The following PDCD1 variants were observed in gnomAD, a reference collection of about 807,000 sequenced individuals.
The protein encoded by PDCD1 is programmed cell death 1, also known as programmed cell death protein 1.
Under a neutral mutation model 23.6 loss-of-function variants are expected in PDCD1, and 10 were observed. That is an observed-to-expected ratio of 0.42 (90% confidence interval 0.26 to 0.72). PDCD1 has a LOEUF of 0.72. PDCD1 is among the 30% of genes least tolerant of loss of function. PDCD1 has a pLI of 0.24. For missense variants in PDCD1, 313 were observed against 397.8 expected, an observed-to-expected ratio of 0.79 and a Z score of 1.81; for synonymous variants, 168 against 169.3, an observed-to-expected ratio of 0.99 and a Z score of 0.06.
chr2:241,855,309 T>G (rs946396568), intron 1 of PDCD1, among the ~76,000 whole-genome samples: 8 of 152,088 alleles, frequency 5.3e-5, no homozygotes, highest in Admixed American at 6.5e-5. Flanking sequence ...GTGGGGGTGC[T>G]GGGTGGCGAC....
chr2:241,853,024 A>G (rs771728650), intron 1 of PDCD1, 44 bp from the exon 2 acceptor site: 2 of 1,522,246 alleles, frequency 1.3e-6, no homozygotes, highest in South Asian at 1.2e-5. Flanking sequence ...GTGGCCCCAC[A>G]AAGCCTCCCC....
chr2:241,854,998 G>A (rs1700990621), intron 1 of PDCD1, among the ~76,000 whole-genome samples: 2 of 152,226 alleles, frequency 1.3e-5, no homozygotes, highest in African/African-American at 4.8e-5. Context: ...ACACATTGGT[G>A]GAGGGACCTG....
chr2:241,851,121 A>G lies in PDCD1; in HGVS notation c.804T>C (p.Ala268=), dbSNP rs2227981. The G allele has an allele frequency of 0.6, 968,333 of 1,612,824 alleles. 293,152 individuals carry two copies. Among genetic ancestry groups the G allele is most frequent in the South Asian group, 0.74 (67,838 of 91,064 alleles). The change falls in exon 5 of 5, where the codon GCT becomes GCC. Residue 268 remains alanine, a synonymous_variant. Transcript: ENST00000334409. ...GTSSPARRGS[A]DGPRSAQPLR... ...GTGGCTGGGCACTCCGAGGGCCGTC[A>G]GCTGAGCCCCTGCGGGCGGGGGATG...
chr2:241,851,706 G>A (rs962124885), intron 4 of PDCD1, among the ~76,000 whole-genome samples: 13 of 150,094 alleles, frequency 8.7e-5, no homozygotes, highest in Non-Finnish European at 1.3e-4. Flanking sequence ...CGTGGGCCAG[G>A]CACCCCTGGA....
chr2:241,856,243 C>T (rs1367269896), intron 1 of PDCD1, among the ~76,000 whole-genome samples: 2 of 151,886 alleles, frequency 1.3e-5, no homozygotes, highest in Admixed American at 1.3e-4. Flanking sequence ...AAGCCACAGC[C>T]GGGAGAGGCT....
In PDCD1 at chr2:241,851,067, C is replaced by T. The variant is rs1700887889; in HGVS notation, c.858G>A (p.Trp286Ter). 6.2e-7 allele frequency: 1 copy of T among 1,611,158 alleles called. No homozygotes were observed. Among genetic ancestry groups the T allele is most frequent in the Admixed American group, 1.7e-5 (1 of 59,888 alleles). The stretch of plus-strand genomic sequence containing the variant: ...TGGCCAAGGAAGCCGGTCAGAGGGG[C>T]CAAGAGCAGTGTCCATCCTCAGGCC... ...PLRPEDGHCSWPL is the reference protein window; with the variant it reads ...PLRPEDGHCS The change falls in exon 5 of 5, where the codon TGG (tryptophan) becomes TGA (stop). Residue 286 changes from tryptophan (W) to a stop codon, truncating the protein, a stop_gained. Transcript: ENST00000334409. LOFTEE classifies it high-confidence loss of function.
Position 241,852,740 on chromosome 2 carries a change from A to T in PDCD1, c.317T>A (p.Phe106Tyr), listed in dbSNP as rs1301571896. 12 of 1,613,962 alleles carry T rather than the reference A, an allele frequency of 7.4e-6. No homozygotes were observed. Among genetic ancestry groups the T allele is most frequent in the Non-Finnish European group, 1.0e-5 (12 of 1,179,996 alleles). ...RVTQLPNGRDFHMSVVRARRN... is the reference protein window; with the variant it reads ...RVTQLPNGRDYHMSVVRARRN... ...CCGGGCCCTGACCACGCTCATGTGG[A>T]AGTCACGCCCGTTGGGCAGTTGTGT... The change falls in exon 2 of 5, where the codon TTC (phenylalanine) becomes TAC (tyrosine). Residue 106 changes from phenylalanine (F) to tyrosine (Y), a missense_variant. Phe to Tyr is a conservative substitution (Grantham distance 22, BLOSUM62 3). Coordinates refer to ENST00000334409, the MANE Select transcript of PDCD1 (RefSeq NM_005018.3).
intron 1 of PDCD1, among the ~76,000 whole-genome samples, chr2:241,854,484 G>A (rs990240898): frequency 6.6e-6 from 1 of 152,180 alleles, no homozygotes; most frequent in Non-Finnish European, 1.5e-5. Flanking sequence ...AGGGCTGTGG[G>A]GTAGTGTGAC....
At position 241,858,359 on chromosome 2, in the gene PDCD1, G is replaced by A. The variant is rs1007922741; in HGVS notation, c.76+404C>T. Among the ~76,000 whole-genome samples, 7 of 152,342 alleles carry A rather than the reference G, an allele frequency of 4.6e-5. No individual in the cohort carries two copies. The East Asian group carries it at 9.6e-4, about 21-fold the overall frequency. On this transcript the variant is annotated intron_variant, in intron 1 of 4. Transcript: ENST00000334409. ...CAGAGCCGCCACGCAGACTCCCCAC[G>A]GCCAAGGTTTGGGGTTCTGGCCAGC...
rs775100301 is a variant in PDCD1, at chr2:241,851,069, A to C, written c.856T>G (p.Trp286Gly). The C allele has an allele frequency of 1.9e-6, 3 of 1,611,690 alleles. No homozygotes were observed. The highest frequency in any genetic ancestry group is 2.5e-6 in the Non-Finnish European group (3 of 1,179,042). ...GCCAAGGAAGCCGGTCAGAGGGGCC[A>C]AGAGCAGTGTCCATCCTCAGGCCTC... Reference protein sequence around the residue: ...PLRPEDGHCSWPL With the variant: ...PLRPEDGHCSGPL Residue 286 changes from tryptophan to glycine, a missense_variant, in exon 5 of 5, where the codon TGG becomes GGG. By Grantham distance (184) the Trp-to-Gly change is radical (BLOSUM62 -2). Transcript: ENST00000334409.
At position 241,850,673 on chromosome 2, in the gene PDCD1, AG is replaced by A; in HGVS notation, c.*384del. ...CAACCAGCCCCCAAGTTCAGGCAGG[AG>A]GCTCCGGGGCGTCAGGCAGGGCCAC... On this transcript the variant is annotated 3_prime_UTR_variant, in exon 5 of 5. Coordinates refer to ENST00000334409, the MANE Select transcript of PDCD1 (RefSeq NM_005018.3). 2.0e-6 allele frequency: 1 copy of A among 498,078 alleles called. No individual in the cohort carries two copies. The highest frequency in any genetic ancestry group is 3.7e-6 in the Non-Finnish European group (1 of 268,922). 30.9% of individuals were successfully genotyped at this position (498,078 alleles called of 1,614,324 possible). A position where few individuals can be genotyped will look rare whatever the true frequency, so the allele number is the denominator to read the frequency against.
intron 1 of PDCD1, 43 bp from the exon 2 acceptor site, chr2:241,853,023 C>T: frequency 6.6e-7 from 1 of 1,522,008 alleles, no homozygotes. Flanking sequence ...GGTGGCCCCA[C>T]AAAGCCTCCC....
chr2:241,853,248 C>G (rs569582295), intron 1 of PDCD1, among the ~76,000 whole-genome samples: 82 of 149,006 alleles, frequency 5.5e-4, no homozygotes, highest in African/African-American at 1.9e-3. Flanking sequence ...GCCTTCACCC[C>G]CTTCCCCGTT....
chr2:241,854,934 G>A (rs1700989863), intron 1 of PDCD1, among the ~76,000 whole-genome samples: 2 of 152,210 alleles, frequency 1.3e-5, no homozygotes, highest in South Asian at 4.1e-4. Flanking sequence ...CAATGTCCCT[G>A]GGACCATCTG....
At chr2:241,858,668 G>A in intron 1 of PDCD1, 95 bp downstream of exon 1, 1 of 1,087,610 alleles carries the variant, frequency 9.2e-7, no homozygotes. Flanking sequence ...CCAGGGCCAG[G>A]CCCGCCTCAG....
rs563026333 is a variant in PDCD1, at chr2:241,853,776, G to A, written c.77-796C>T. 6.6e-5 allele frequency among the ~76,000 whole-genome samples: 10 copies of A among 152,384 alleles called. No individual in the cohort carries two copies. In the East Asian group the frequency reaches 1.5e-3, roughly 24 times the overall value. On this transcript the variant is annotated intron_variant, in intron 1 of 4. Transcript: ENST00000334409. The stretch of plus-strand genomic sequence containing the variant: ...ACACAGGCGCTTAAGATCCAGGCCC[G>A]AGATGCCATGCAACGGGGTGATTTT...
intron 4 of PDCD1, 125 bp from the exon 5 acceptor site, chr2:241,851,422 G>C: frequency 1.1e-6 from 1 of 902,594 alleles, no homozygotes; most frequent in Non-Finnish European, 1.7e-6. Context: ...TGCTTACCCT[G>C]AGCTGTCCCA....
rs376410854 is a variant in PDCD1 at position 241,852,996 on chromosome 2, A to G, written c.77-16T>C. On this transcript the variant is annotated splice_polypyrimidine_tract_variant and intron_variant, in intron 1 of 4. Coordinates refer to ENST00000334409, the MANE Select transcript of PDCD1 (RefSeq NM_005018.3). The stretch of plus-strand genomic sequence containing the variant: ...TCTGGGGAGTCTGAGAGATGGAGAG[A>G]GGTGAGGAAGGGGCTGGGTGGCCCC... The G allele has an allele frequency of 1.4e-5, 21 of 1,539,526 alleles. No individual in the cohort carries two copies. Among genetic ancestry groups the G allele is most frequent in the Non-Finnish European group, 1.7e-5 (20 of 1,147,110 alleles).
intron 1 of PDCD1, among the ~76,000 whole-genome samples, chr2:241,857,422 C>T (rs1340616744): frequency 2.0e-5 from 3 of 152,130 alleles, no homozygotes; most frequent in Admixed American, 1.3e-4. Flanking sequence ...GGGAGGGTGG[C>T]GTCCCGAGGG....
Sources: gnomAD v4.1 joint callset for allele counts (sites outside exome capture counted in the v4.1 genomes callset) on GRCh38, gnomAD v4.1.1 for gene constraint, MANE v1.5 for transcripts, NCBI Gene and HGNC (gene_info 2026-07-23, HGNC 2026-07-21) for gene names.